The following ABCA1 variants were observed in gnomAD, a reference collection of about 807,000 sequenced individuals.
ABCA1 encodes ATP binding cassette subfamily A member 1, also known as phospholipid-transporting ATPase ABCA1.
A neutral mutation model predicts 262.5 loss-of-function variants in ABCA1; 133 were observed. The observed-to-expected ratio is 0.51, with a 90% CI of 0.44 to 0.59. ABCA1 has a LOEUF of 0.59. Ranked by LOEUF, ABCA1 falls within the 20% of genes least tolerant of loss-of-function variation. The pLI, the probability that ABCA1 is intolerant of heterozygous loss-of-function variation, is 0.00. For synonymous variants in ABCA1, 1,022 were observed against 1,043.5 expected (o/e 0.98, Z 0.40); for missense variants, 2,452 against 2,777.5 (o/e 0.88, Z 2.63).
chr9:104,842,766 C>T (rs1269807446), intron 8 of ABCA1, among the ~76,000 whole-genome samples: 1 of 152,154 alleles, frequency 6.6e-6, no homozygotes, highest in Non-Finnish European at 1.5e-5. Context: ...CTCTTCTCAA[C>T]CCAACAACCA....
intron 22 of ABCA1, 150 bp downstream of exon 22, chr9:104,819,436 T>C: frequency 2.7e-6 from 3 of 1,099,426 alleles, no homozygotes; most frequent in Non-Finnish European, 4.1e-6. Context: ...CTCTCAGGAA[T>C]CTCAGTCTCA....
At position 104,791,019 on chromosome 9, in the gene ABCA1, G is replaced by A. The variant is rs1324382651; in HGVS notation, c.5830C>T (p.Leu1944Phe). Residue 1944 changes from leucine (L) to phenylalanine (F), a missense_variant, in exon 44 of 50, where the codon CTC becomes TTC. Around this residue, in one of 4 missense-constraint regions of ABCA1, gnomAD observed 752 missense variants for 944.5 expected, o/e 0.80. Coordinates refer to ENST00000374736, the MANE Select transcript of ABCA1 (RefSeq NM_005502.4). ...TTTCCAGCCCCATTAACTCCCAGGA[G>A]CCCAAAGCACTGAAAAGGAAAGATT... ...VGIPPGECFG[L>F]LGVNGAGKSS... is the part of the protein sequence containing the mutation. 1 of 1,613,130 alleles carries A rather than the reference G, an allele frequency of 6.2e-7. No homozygotes were observed. Among genetic ancestry groups the A allele is most frequent in the South Asian group, 1.1e-5 (1 of 91,056 alleles).
At chr9:104,870,496 GC>G (rs1309277465) in intron 5 of ABCA1, among the ~76,000 whole-genome samples, 1 of 152,232 alleles carries the variant, frequency 6.6e-6, no homozygotes, top group Non-Finnish European at 1.5e-5. Context: ...TGCTAGTAAG[GC>G]AATAGCACAC....
chr9:104,888,058 G>GGTGTGT (rs10693809), intron 3 of ABCA1, among the ~76,000 whole-genome samples: 18,694 of 140,198 alleles, frequency 0.13, 1,336 homozygotes, highest in South Asian at 0.27. Flanking sequence ...TTTCTTGAGG[G>GGTGTGT]GTGTGTGTGT....
At chr9:104,916,958 A>G (rs1307536368) in intron 1 of ABCA1, among the ~76,000 whole-genome samples, 1 of 152,226 alleles carries the variant, frequency 6.6e-6, no homozygotes, top group Non-Finnish European at 1.5e-5. Context: ...AAAGAGCAGA[A>G]GAAACCGTAA....
rs1320976395 is a variant in ABCA1, at chr9:104,812,651, T to C, written c.3973A>G (p.Thr1325Ala). The change falls in exon 28 of 50, where the codon ACA (threonine) becomes GCA (alanine). Residue 1325 changes from threonine to alanine, a missense_variant. Thr to Ala is a moderately conservative substitution (Grantham distance 58, BLOSUM62 0). Coordinates refer to ENST00000374736, the MANE Select transcript of ABCA1 (RefSeq NM_005502.4). ...GSYQVKGWKL[T>A]QQQFVALLWK... is the part of the protein sequence containing the mutation. ...AAAAGGGCCACAAACTGTTGCTGTG[T>C]AAGTTTCCAGCCTTTCACCTGGTAG... is the stretch of plus-strand genomic sequence containing the variant. 6.2e-7 allele frequency: 1 copy of C among 1,614,244 alleles called. No homozygotes were observed. The highest frequency in any genetic ancestry group is 1.7e-5 in the Admixed American group (1 of 60,030).
chr9:104,862,679 C>CAGGGCAGGGCAGGGCAGGGCA lies in ABCA1; in HGVS notation c.422-880_422-879insTGCCCTGCCCTGCCCTGCCCT, dbSNP rs1564199103. ...CGGGCCGGGCCGGGCCGGGCCGGGCCGGGCCGGGCCGGGCCGGGCCGGCCC... is the reference window on the plus strand; with the variant it reads ...CGGGCCGGGCCGGGCCGGGCCGGGCCAGGGCAGGGCAGGGCAGGGCAGGGCCGGGCCGGGCCGGGCCGGCCC... On this transcript the variant is annotated intron_variant, in intron 5 of 49. Coordinates refer to ENST00000374736, the MANE Select transcript of ABCA1 (RefSeq NM_005502.4). 4.0e-3 allele frequency among the ~76,000 whole-genome samples: 38 copies of CAGGGCAGGGCAGGGCAGGGCA among 9,482 alleles called. 13 individuals carry two copies. Among genetic ancestry groups the CAGGGCAGGGCAGGGCAGGGCA allele is most frequent in the African/African-American group, 0.013 (33 of 2,548 alleles). 6.2% of individuals were successfully genotyped at this position (9,482 alleles called of 152,430 possible). A position where few individuals can be genotyped will look rare whatever the true frequency, so the allele number is the denominator to read the frequency against.
chr9:104,831,149 TAAAAAAAAA>T (rs34121951), intron 13 of ABCA1, 48 bp from the exon 14 acceptor site: 11 of 926,238 alleles, frequency 1.2e-5, no homozygotes, highest in African/African-American at 4.1e-5. Context: ...AACCATACAA[TAAAAAAAAA>T]AAAAAAAAAA....
At position 104,818,779 on chromosome 9, in the gene ABCA1, G is replaced by A; in HGVS notation, c.3346C>T (p.Leu1116=). 1 of 1,614,060 alleles carries A rather than the reference G, an allele frequency of 6.2e-7. No homozygotes were observed. Among genetic ancestry groups the A allele is most frequent in the Non-Finnish European group, 8.5e-7 (1 of 1,180,046 alleles). Residue 1116 remains leucine, a synonymous_variant, in exon 23 of 50, where the codon CTG becomes TTG. Transcript: ENST00000374736. ...HGKLCCVGSS[L]FLKNQLGTGY... ...GTTCCCAGCTGGTTCTTCAGAAACA[G>A]GGAGGAGCCCACACAGCACAGCTTC...
At chr9:104,787,894 A>G (rs1313812056) in intron 46 of ABCA1, 26 bp downstream of exon 46, 4 of 1,613,842 alleles carry the variant, frequency 2.5e-6, no homozygotes, top group Middle Eastern at 3.3e-4. Flanking sequence ...CCAGAACAAC[A>G]GTTTTCCATC....
chr9:104,888,762 T>C (rs538992596), intron 3 of ABCA1, among the ~76,000 whole-genome samples: 4 of 152,256 alleles, frequency 2.6e-5, no homozygotes, highest in Admixed American at 6.5e-5. Flanking sequence ...TAAGACATCA[T>C]GCATATGGAA....
chr9:104,796,849 T>A (rs948911784), intron 37 of ABCA1, among the ~76,000 whole-genome samples: 2 of 152,358 alleles, frequency 1.3e-5, no homozygotes, highest in South Asian at 4.1e-4. Flanking sequence ...TAACTGCTCA[T>A]AACATGAATG....
At chr9:104,890,723 C>G (rs906051901) in intron 2 of ABCA1, among the ~76,000 whole-genome samples, 1 of 151,814 alleles carries the variant, frequency 6.6e-6, no homozygotes, top group Non-Finnish European at 1.5e-5. Flanking sequence ...CTAGGGCTCC[C>G]AAACTGCTGG....
chr9:104,854,590 G>A (rs1237241889), intron 7 of ABCA1, among the ~76,000 whole-genome samples: 2 of 152,060 alleles, frequency 1.3e-5, no homozygotes, highest in African/African-American at 4.8e-5. Flanking sequence ...CCCTCTCCTC[G>A]CTCTGGGAAA....
chr9:104,820,169 C>A, intron 20 of ABCA1, 100 bp from the exon 21 acceptor site: 1 of 1,453,426 alleles, frequency 6.9e-7, no homozygotes. Flanking sequence ...ATTTTTCTCT[C>A]CCCGTGCTTT....
chr9:104,886,821 T>C (rs1588508561), intron 3 of ABCA1, among the ~76,000 whole-genome samples: 1 of 152,330 alleles, frequency 6.6e-6, no homozygotes, highest in East Asian at 1.9e-4. Context: ...TTTTAAGACC[T>C]TGATAACTCT....
chr9:104,883,106 T>C lies in ABCA1; in HGVS notation c.354A>G (p.Lys118=). ...TGCGCATGTCCTTCATGCTGGTGTC[T>C]TTCTGGCTGTATAAAAGAAGCCTCC... The part of the protein sequence containing the change: ...DARRLLLYSQ[K]DTSMKDMRKV... Residue 118 remains lysine, a synonymous_variant, in exon 5 of 50, where the codon AAA becomes AAG. Coordinates refer to ENST00000374736, the MANE Select transcript of ABCA1 (RefSeq NM_005502.4). 1 of 1,613,874 alleles carries C rather than the reference T, an allele frequency of 6.2e-7. No homozygotes were observed. Among genetic ancestry groups the C allele is most frequent in the Non-Finnish European group, 8.5e-7 (1 of 1,180,050 alleles).
At chr9:104,794,281 T>A in intron 40 of ABCA1, 106 bp downstream of exon 40, 1 of 1,558,108 alleles carries the variant, frequency 6.4e-7, no homozygotes, top group Non-Finnish European at 8.8e-7. Context: ...TGGGGGAACA[T>A]CCTGTGCTTA....
In ABCA1 at chr9:104,840,287, T is replaced by C; in HGVS notation, c.1046A>G (p.Asn349Ser). 1 of 1,613,590 alleles carries C rather than the reference T, an allele frequency of 6.2e-7. No homozygotes were observed. ...TCTGCATGGACACTCACTTGTAGAGTTGTCATAGAAGGTTTCAGCATCTTC... is the reference window on the plus strand; with the variant it reads ...TCTGCATGGACACTCACTTGTAGAGCTGTCATAGAAGGTTTCAGCATCTTC... ...TEEDAETFYD[N>S]STTPYCNDLM... is the part of the protein sequence containing the mutation. Residue 349 changes from asparagine to serine, a missense_variant, in exon 9 of 50, where the codon AAC (asparagine) becomes AGC (serine). Asn to Ser is a conservative substitution (Grantham distance 46). This residue lies in a region of ABCA1 where 1,032 missense variants were observed against 1,089.7 expected (regional missense o/e 0.95). Coordinates refer to ENST00000374736, the MANE Select transcript of ABCA1 (RefSeq NM_005502.4).
Sources: gnomAD v4.1 joint callset for allele counts (sites outside exome capture counted in the v4.1 genomes callset) on GRCh38, gnomAD v4.1.1 for gene constraint, gnomAD v4.1.1 regional missense constraint, MANE v1.5 for transcripts, NCBI Gene and HGNC (gene_info 2026-07-23, HGNC 2026-07-21) for gene names.